ACOT1: variants seen among roughly 807,000 people sequenced by gnomAD.
The protein encoded by ACOT1 is acyl-CoA thioesterase 1.
ACOT1 carries 8 observed loss-of-function variants against 15.7 expected under a neutral mutation model. The ratio of observed to expected loss-of-function variants is 0.51; its 90% CI spans 0.30 to 0.92. ACOT1 has a LOEUF of 0.92. Ranked by LOEUF, ACOT1 falls within the 40% of genes least tolerant of loss-of-function variation. The probability of loss-of-function intolerance (pLI) is 0.06; values close to 1 mark genes in which losing one functional copy is unlikely to be tolerated. For synonymous variants in ACOT1, 67 were observed against 241.2 expected, an observed-to-expected ratio of 0.28 and a Z score of 6.69; for missense variants, 151 against 539.4, an observed-to-expected ratio of 0.28 and a Z score of 7.13.
chr14:73,537,862 G>A lies in ACOT1; in HGVS notation c.441G>A (p.Thr147=), dbSNP rs750451986. The change falls in exon 1 of 3, where the codon ACG becomes ACA. Residue 147 remains threonine (T), a synonymous_variant. Coordinates refer to ENST00000311148, the MANE Select transcript of ACOT1 (RefSeq NM_001037161.2). The part of the protein sequence containing the change: ...EPVRAGRVRG[T]LFLPPEPGPF... ...TGCGCGCGGGCCGGGTGCGAGGCAC[G>A]CTCTTCCTGCCGCCAGGTGACTCAC... The A allele has an allele frequency of 4.2e-6, 5 of 1,200,136 alleles. 2 individuals are homozygous for A. In the Admixed American group the frequency reaches 1.5e-4, roughly 35 times the overall value. The allele number at this position is 1,200,136 out of a possible 1,614,324, so 74.3% of individuals were successfully genotyped here. A position where few individuals can be genotyped will look rare whatever the true frequency, so the allele number is the denominator to read the frequency against.
chr14:73,496,383 G>A, the ACOT1 span, among the ~76,000 whole-genome samples: 1 of 147,786 alleles, frequency 6.8e-6, no homozygotes, highest in Non-Finnish European at 1.5e-5. Context: ...AGGACTAATA[G>A]GATTTTTGTT....
At chr14:73,509,542 A>G in the ACOT1 span, 1 of 1,556,852 alleles carries the variant, frequency 6.4e-7, no homozygotes, top group African/African-American at 1.4e-5. Context: ...CTTCCTTCCT[A>G]CAGCCATGTG....
chr14:73,492,392 A>G, the ACOT1 span: 14 of 1,613,724 alleles, frequency 8.7e-6, no homozygotes, highest in Non-Finnish European at 1.2e-5. The surrounding 1 kb of genome is among the most constrained non-coding windows in gnomAD (Gnocchi z 4.9). Flanking sequence ...CCGAGACTTC[A>G]TGGATTACAT....
At chr14:73,496,767 A>G in the ACOT1 span, 2 of 743,198 alleles carry the variant, frequency 2.7e-6, no homozygotes, top group South Asian at 3.1e-5. Context: ...GGAATCAGGT[A>G]AGAATCCCAA....
chr14:73,526,668 C>T, the ACOT1 span, among the ~76,000 whole-genome samples: 2 of 152,230 alleles, frequency 1.3e-5, no homozygotes, highest in Admixed American at 1.3e-4. Context: ...TCCTAAGCTA[C>T]ATTTCCAGAC....
chr14:73,491,358 C>T, the ACOT1 span: 31 of 1,360,062 alleles, frequency 2.3e-5, no homozygotes, highest in Non-Finnish European at 2.9e-5. Flanking sequence ...GCCGCGCGCT[C>T]CCTGCAGACC....
the ACOT1 span, chr14:73,495,396 G>T: frequency 3.1e-6 from 5 of 1,607,134 alleles, no homozygotes; most frequent in Non-Finnish European, 2.6e-6. Flanking sequence ...ATCTAAATTA[G>T]AACAAATAAT....
chr14:73,514,076 C>T, the ACOT1 span: 1 of 1,614,196 alleles, frequency 6.2e-7, no homozygotes, highest in Non-Finnish European at 8.5e-7. Flanking sequence ...CTCCGCAGGA[C>T]CACCAGTTCC....
At chr14:73,510,105 C>T in the ACOT1 span, among the ~76,000 whole-genome samples, 2 of 151,462 alleles carry the variant, frequency 1.3e-5, no homozygotes, top group African/African-American at 2.4e-5. Context: ...TTGTGATCCA[C>T]CTGCCTCAGC....
chr14:73,497,813 A>C, the ACOT1 span, among the ~76,000 whole-genome samples: 1 of 151,868 alleles, frequency 6.6e-6, no homozygotes, highest in African/African-American at 2.4e-5. Flanking sequence ...TTTAGTAGAG[A>C]CAGGGTTTCT....
chr14:73,492,176 C>G, the ACOT1 span: 1 of 1,614,004 alleles, frequency 6.2e-7, no homozygotes, highest in Non-Finnish European at 8.5e-7. This position sits in a 1 kb window ranked among gnomAD's most constrained non-coding sequence, Gnocchi z 4.9. Context: ...TGAGCCGGTG[C>G]TGCAGACCGT....
At chr14:73,523,105 A>G in the ACOT1 span, 3,632 of 1,609,630 alleles carry the variant, frequency 2.3e-3, 9 homozygotes, top group Non-Finnish European at 2.5e-3. Flanking sequence ...GCAGTGACTG[A>G]TAGAAGCAAT....
At chr14:73,519,541 C>T in the ACOT1 span, among the ~76,000 whole-genome samples, 2 of 151,644 alleles carry the variant, frequency 1.3e-5, no homozygotes, top group East Asian at 3.9e-4. Flanking sequence ...ATCAGGAGTT[C>T]GAGACCAGCC....
At position 73,542,045 on chromosome 14, in the gene ACOT1, G is replaced by A. The variant is rs1399172704; in HGVS notation, c.660+350G>A. Among the ~76,000 whole-genome samples the A allele has an allele frequency of 7.1e-5, 8 of 112,494 alleles. 1 individual carries two copies. Among genetic ancestry groups the A allele is most frequent in the Non-Finnish European group, 1.1e-4 (6 of 52,350 alleles). 73.8% of individuals were successfully genotyped at this position (112,494 alleles called of 152,430 possible). A position where few individuals can be genotyped will look rare whatever the true frequency, so the allele number is the denominator to read the frequency against. On this transcript the variant is annotated intron_variant, in intron 2 of 2. Transcript: ENST00000311148. ...TAATTTTTGTATTTTCAGTAGAGAC[G>A]GGGTTTCACAATATTTGTCAGGCTG...
chr14:73,495,590 TAAAG>T, the ACOT1 span, among the ~76,000 whole-genome samples: 6 of 150,202 alleles, frequency 4.0e-5, no homozygotes, highest in Admixed American at 6.6e-5. Context: ...CTCTAGAAAA[TAAAG>T]AAGTAACTAA....
the ACOT1 span, chr14:73,490,964 C>T: frequency 3.9e-6 from 5 of 1,296,102 alleles, no homozygotes; most frequent in Middle Eastern, 2.9e-4. Context: ...ATTCAGGAAC[C>T]GCTTTAGCTT....
the ACOT1 span, among the ~76,000 whole-genome samples, chr14:73,514,896 C>T: frequency 1.8e-4 from 27 of 151,876 alleles, 1 homozygote; most frequent in South Asian, 4.8e-3. Context: ...GTGAAAACCC[C>T]GTCTCTACTA....
At chr14:73,497,679 T>G in the ACOT1 span, among the ~76,000 whole-genome samples, 2 of 151,650 alleles carry the variant, frequency 1.3e-5, no homozygotes, top group Non-Finnish European at 2.9e-5. Context: ...CAGGCTGGAG[T>G]GCAATGGCAC....
the ACOT1 span, among the ~76,000 whole-genome samples, chr14:73,530,824 A>C: frequency 8.7e-5 from 6 of 68,810 alleles, 2 homozygotes; most frequent in Non-Finnish European, 8.5e-5. Flanking sequence ...TTTTTTGTAG[A>C]GATAGAGTCT....
Sources: allele counts gnomAD v4.1 joint callset (sites outside exome capture counted in the v4.1 genomes callset), GRCh38; gene constraint gnomAD v4.1.1; non-coding constraint Gnocchi (gnomAD v3.1); transcripts MANE v1.5; gene names NCBI Gene and HGNC (gene_info 2026-07-23, HGNC 2026-07-21).